Variants in SNAP91 observed in about 807,000 individuals in gnomAD.
SNAP91 encodes the protein synaptosome associated protein 91, also known as clathrin coat assembly protein AP180.
A neutral mutation model predicts 100.3 loss-of-function variants in SNAP91; 27 were observed. The observed-to-expected ratio is 0.27, with a 90% CI of 0.20 to 0.37. The LOEUF is 0.37. Among genes scored for constraint, SNAP91 ranks in the 10% least tolerant of loss-of-function variants. The pLI is 1.00. For missense variants in SNAP91, 986 were observed against 1,123.7 expected, an observed-to-expected ratio of 0.88 and a Z score of 1.75; for synonymous variants, 404 against 398.6, an observed-to-expected ratio of 1.01 and a Z score of -0.16.
chr6:83,692,149 T>G (rs142949590), intron 2 of SNAP91, among the ~76,000 whole-genome samples: 239 of 152,308 alleles, frequency 1.6e-3, no homozygotes, highest in African/African-American at 5.3e-3. Context: ...TGAAAAGAAC[T>G]ATTAGATTCT....
intron 9 of SNAP91, among the ~76,000 whole-genome samples, chr6:83,622,432 G>A (rs1337098037): frequency 8.8e-6 from 1 of 113,736 alleles, no homozygotes; most frequent in Non-Finnish European, 1.8e-5. Context: ...TTAACAAGTA[G>A]GTATCTTTCA....
intron 2 of SNAP91, among the ~76,000 whole-genome samples, chr6:83,685,062 G>C (rs2099042614): frequency 6.6e-6 from 1 of 152,142 alleles, no homozygotes; most frequent in Admixed American, 6.5e-5. Context: ...GTTAGAAAAA[G>C]AAGCAAAACT....
chr6:83,630,324 C>T (rs965393198), intron 8 of SNAP91, among the ~76,000 whole-genome samples: 12 of 151,746 alleles, frequency 7.9e-5, no homozygotes, highest in African/African-American at 2.9e-4. Flanking sequence ...TTGGTTATGT[C>T]CTTTTCTGGT....
intron 2 of SNAP91, among the ~76,000 whole-genome samples, chr6:83,706,020 T>C (rs78389232): frequency 0.014 from 2,119 of 152,284 alleles, 45 homozygotes; most frequent in African/African-American, 0.049. Flanking sequence ...TTCCACATCT[T>C]AGAAATCATA....
At chr6:83,613,461 C>A (rs1430144210) in intron 11 of SNAP91, among the ~76,000 whole-genome samples, 4 of 152,178 alleles carry the variant, frequency 2.6e-5, no homozygotes, top group African/African-American at 9.7e-5. Context: ...GTTTTCTAAC[C>A]AGAGTTGGCT....
At chr6:83,556,321 C>CAGGGGGAG (rs1562069763) in intron 28 of SNAP91, 76 bp from the exon 29 acceptor site, 1 of 54,294 alleles carries the variant, frequency 1.8e-5, no homozygotes, top group Non-Finnish European at 3.1e-5. Flanking sequence ...GAAGAGGGGG[C>CAGGGGGAG]AGGGGGAGAG....
chr6:83,565,260 G>A (rs1475007960), intron 26 of SNAP91, among the ~76,000 whole-genome samples: 1 of 151,704 alleles, frequency 6.6e-6, no homozygotes, highest in Non-Finnish European at 1.5e-5. Context: ...TCTCTATCAG[G>A]GACAAAAGTT....
chr6:83,554,303 A>G lies in SNAP91; in HGVS notation c.*11-18T>C, dbSNP rs184135931. ...TATTGCAGCTGTAAAGAAAACAAAAACTAGAATTAGAAAACAAGATTATTA... is the reference window on the plus strand; with the variant it reads ...TATTGCAGCTGTAAAGAAAACAAAAGCTAGAATTAGAAAACAAGATTATTA... On this transcript the variant is annotated intron_variant, in intron 29 of 29. Transcript: ENST00000369694. 6 of 312,662 alleles carry G rather than the reference A, an allele frequency of 1.9e-5. No homozygotes were observed. The East Asian group carries it at 4.7e-4, about 25-fold the overall frequency. The allele number at this position is 312,662 out of a possible 1,614,324, so 19.4% of individuals were successfully genotyped here. A position where few individuals can be genotyped will look rare whatever the true frequency, so the allele number is the denominator to read the frequency against.
At chr6:83,648,515 TAAGGA>T (rs1250001524) in intron 7 of SNAP91, among the ~76,000 whole-genome samples, 1 of 152,150 alleles carries the variant, frequency 6.6e-6, no homozygotes, top group African/African-American at 2.4e-5. Context: ...TGTTTCTTTT[TAAGGA>T]AAACAGTAAA....
chr6:83,611,050 G>A (rs1365812894), intron 11 of SNAP91, among the ~76,000 whole-genome samples: 1 of 151,854 alleles, frequency 6.6e-6, no homozygotes, highest in Admixed American at 6.6e-5. Flanking sequence ...ACCATTTTCA[G>A]AAGGCTTGGA....
At chr6:83,566,058 GATGA>G (rs1433620868) in intron 26 of SNAP91, among the ~76,000 whole-genome samples, 1 of 152,060 alleles carries the variant, frequency 6.6e-6, no homozygotes, top group Non-Finnish European at 1.5e-5. Context: ...TTCATCAACT[GATGA>G]ATGGATAAAC....
chr6:83,706,208 A>C (rs1159804036), intron 2 of SNAP91, among the ~76,000 whole-genome samples: 1 of 152,240 alleles, frequency 6.6e-6, no homozygotes, highest in South Asian at 2.1e-4. Flanking sequence ...TTAATTATAG[A>C]TCAGCATGTA....
intron 12 of SNAP91, among the ~76,000 whole-genome samples, chr6:83,608,781 C>A (rs1020106757): frequency 2.0e-5 from 3 of 151,792 alleles, no homozygotes; most frequent in Non-Finnish European, 2.9e-5. Flanking sequence ...TATACTAATC[C>A]AAAAGTCAAA....
At position 83,556,342 on chromosome 6, in the gene SNAP91, G is replaced by GGA. The variant is rs1184252930; in HGVS notation, c.2632-99_2632-98dup. On this transcript the variant is annotated intron_variant, in intron 28 of 29. Transcript: ENST00000369694. ...GGGGCAGGGGGAGAGAGGGAGAGGGGGAGAGAGAGAGAGAGAGAGAGAGAG... is the reference window on the plus strand; with the variant it reads ...GGGGCAGGGGGAGAGAGGGAGAGGGGGAGAGAGAGAGAGAGAGAGAGAGAGAG... 6.5e-3 allele frequency: 129 copies of GGA among 19,728 alleles called. 5 individuals carry two copies. Among genetic ancestry groups the GGA allele is most frequent in the Middle Eastern group, 0.023 (1 of 44 alleles). 1.2% of individuals were successfully genotyped at this position (19,728 alleles called of 1,614,324 possible). A position where few individuals can be genotyped will look rare whatever the true frequency, so the allele number is the denominator to read the frequency against.
At chr6:83,590,225 C>T (rs2093537252) in intron 22 of SNAP91, among the ~76,000 whole-genome samples, 1 of 152,144 alleles carries the variant, frequency 6.6e-6, no homozygotes, top group South Asian at 2.1e-4. Context: ...GGTAAGCCAA[C>T]AATGTCTTGT....
In SNAP91 at chr6:83,554,954, C is replaced by G. The variant is rs894105732; in HGVS notation, c.*11-669G>C. Among the ~76,000 whole-genome samples the G allele has an allele frequency of 5.9e-5, 9 of 152,318 alleles. No individual in the cohort carries two copies. In the South Asian group the frequency reaches 1.7e-3, roughly 28 times the overall value. ...TCTTTCTCTTTGTCTGTCTCTGTCT[C>G]TCTCAGGCAAGGACTGTCTCAAGCA... On this transcript the variant is annotated intron_variant, in intron 29 of 29. Coordinates refer to ENST00000369694, the MANE Select transcript of SNAP91 (RefSeq NM_001242792.2).
In SNAP91 at chr6:83,583,238, T is replaced by C. The variant is rs148489969; in HGVS notation, c.2015-882A>G. 4.1e-3 allele frequency among the ~76,000 whole-genome samples: 620 copies of C among 152,166 alleles called. 1 individual carries two copies. Among genetic ancestry groups the C allele is most frequent in the Non-Finnish European group, 7.0e-3 (475 of 68,006 alleles). ...CATGCCGAGTATCCTCAGCACCTGG[T>C]ACATGGCCCCCTGCTACTCTCATTA... is the stretch of plus-strand genomic sequence containing the variant. On this transcript the variant is annotated intron_variant, in intron 22 of 29. Transcript: ENST00000369694.
chr6:83,707,682 A>G, intron 2 of SNAP91, 116 bp downstream of exon 2: 9 of 1,377,112 alleles, frequency 6.5e-6, no homozygotes, highest in Non-Finnish European at 7.8e-6. Flanking sequence ...CTCAGGGGCA[A>G]CCTGGCTGGG....
chr6:83,688,291 A>G (rs1178410020), intron 2 of SNAP91, among the ~76,000 whole-genome samples: 1 of 152,180 alleles, frequency 6.6e-6, no homozygotes, highest in African/African-American at 2.4e-5. Flanking sequence ...GTATATTTGT[A>G]AAACATAAAA....
Sources: allele counts gnomAD v4.1 joint callset (sites outside exome capture counted in the v4.1 genomes callset), GRCh38; gene constraint gnomAD v4.1.1; transcripts MANE v1.5; gene names NCBI Gene and HGNC (gene_info 2026-07-23, HGNC 2026-07-21).